Variants in KLF7 observed in about 807,000 individuals in gnomAD.
KLF7 encodes KLF transcription factor 7.
A neutral mutation model predicts 27.3 loss-of-function variants in KLF7; 2 were observed. That is an observed-to-expected ratio of 0.07 (90% CI 0.03 to 0.23). The LOEUF is 0.23. KLF7 is among the 10% of genes least tolerant of loss of function. The probability of loss-of-function intolerance (pLI) is 1.00; values close to 1 mark genes in which losing one functional copy is unlikely to be tolerated. For synonymous variants in KLF7, 165 were observed against 162.4 expected (o/e 1.02, Z -0.12); for missense variants, 221 against 394.1 (o/e 0.56, Z 3.72).
upstream of KLF7, chr2:207,166,923 C>T (rs1245474912): frequency 3.1e-6 from 3 of 981,658 alleles, no homozygotes; most frequent in African/African-American, 3.5e-5. Context: ...CGCACAGTCC[C>T]CGCCCCGCCC....
At chr2:207,090,269 A>G (rs1032323756) in intron 2 of KLF7, among the ~76,000 whole-genome samples, 11 of 152,220 alleles carry the variant, frequency 7.2e-5, no homozygotes, top group Non-Finnish European at 1.5e-4. Context: ...GAGCAGTGTT[A>G]AAAGTTCACC....
At chr2:207,122,266 G>A (rs766341003) in intron 2 of KLF7, among the ~76,000 whole-genome samples, 2 of 152,062 alleles carry the variant, frequency 1.3e-5, no homozygotes, top group South Asian at 2.1e-4. Flanking sequence ...CCTGAGCCAC[G>A]GGATATAAAC....
In KLF7 at chr2:207,094,302, G is replaced by A. The variant is rs187357726; in HGVS notation, c.734-5721C>T. ...TTAATGCAAGTTCTAAAGAGATTAG[G>A]ATTTTGACCTGCCTAGATTTCTGTT... On this transcript the variant is annotated intron_variant, in intron 2 of 3. Transcript: ENST00000309446. 1.4e-4 allele frequency among the ~76,000 whole-genome samples: 22 copies of A among 152,170 alleles called. No homozygotes were observed. The East Asian group carries it at 3.5e-3, about 24-fold the overall frequency.
At chr2:207,140,678 A>C (rs1454237157) in intron 1 of KLF7, among the ~76,000 whole-genome samples, 4 of 152,186 alleles carry the variant, frequency 2.6e-5, no homozygotes, top group Non-Finnish European at 5.9e-5. Context: ...CACAATTTAC[A>C]CTTGGCCCTG....
Position 207,114,525 on chromosome 2 carries a change from C to A in KLF7, c.733+9249G>T, listed in dbSNP as rs554388090. Among the ~76,000 whole-genome samples, 7 of 152,294 alleles carry A rather than the reference C, an allele frequency of 4.6e-5. No individual in the cohort carries two copies. In the South Asian group the frequency reaches 1.5e-3, roughly 32 times the overall value. On this transcript the variant is annotated intron_variant, in intron 2 of 3. Transcript: ENST00000309446. Reference sequence around the variant, plus strand: ...TATTCTAAAATATTTCCTACCATATCTTGGTGCTCTTCTACACTCAAATAT... The same window carrying A: ...TATTCTAAAATATTTCCTACCATATATTGGTGCTCTTCTACACTCAAATAT...
intron 3 of KLF7, 43 bp downstream of exon 3, chr2:207,088,415 C>T: frequency 6.3e-7 from 1 of 1,595,304 alleles, no homozygotes; most frequent in Non-Finnish European, 8.6e-7. Flanking sequence ...AACCCACTTC[C>T]CCATCTCTCC....
At position 207,124,097 on chromosome 2, in the gene KLF7, G is replaced by A. The variant is rs1276619385; in HGVS notation, c.410C>T (p.Thr137Met). Residue 137 changes from threonine to methionine, a missense_variant, in exon 2 of 4, where the codon ACG (threonine) becomes ATG (methionine). By Grantham distance (81) the Thr-to-Met change is moderately conservative. This residue lies in a region of KLF7 where 180 missense variants were observed against 227.9 expected (regional missense o/e 0.79). Transcript: ENST00000309446. ...QAQLNAVTSL[T>M]PPSSPELSRH... ...GCTGAGCTCAGGGGACGATGGGGGC[G>A]TTAATGAGGTCACTGCGTTGAGCTG... is the stretch of plus-strand genomic sequence containing the variant. 1.9e-6 allele frequency: 3 copies of A among 1,614,186 alleles called. No individual in the cohort carries two copies. The highest frequency in any genetic ancestry group is 1.7e-5 in the Admixed American group (1 of 60,026).
intron 2 of KLF7, 71 bp from the exon 3 acceptor site, chr2:207,088,652 T>C: frequency 6.5e-7 from 1 of 1,535,410 alleles, no homozygotes; most frequent in Non-Finnish European, 8.8e-7. Context: ...CAGCCTGTGC[T>C]GCCTGCTGGT....
In KLF7 at chr2:207,092,808, C is replaced by T. The variant is rs1337481547; in HGVS notation, c.734-4227G>A. Among the ~76,000 whole-genome samples the T allele has an allele frequency of 5.3e-5, 8 of 152,268 alleles. 1 individual carries two copies. The South Asian group carries it at 8.3e-4, about 16-fold the overall frequency. On this transcript the variant is annotated intron_variant, in intron 2 of 3. Coordinates refer to ENST00000309446, the MANE Select transcript of KLF7 (RefSeq NM_003709.4). ...CTTATTCATGAACCATACAGATGTACTAATGTTCTATTAGGATATTATAAA... is the reference window on the plus strand; with the variant it reads ...CTTATTCATGAACCATACAGATGTATTAATGTTCTATTAGGATATTATAAA...
chr2:207,167,196 T>C, upstream of KLF7: 1 of 1,379,932 alleles, frequency 7.2e-7, no homozygotes, highest in East Asian at 3.0e-5. Context: ...AGGAACTCGA[T>C]TTCTCGTTTT....
chr2:207,149,083 C>T (rs2078172705), intron 1 of KLF7: 3 of 1,226,510 alleles, frequency 2.4e-6, no homozygotes, highest in Non-Finnish European at 3.1e-6. Context: ...CAGTTTCCAT[C>T]AGCTCTTAGG....
At chr2:207,157,351 A>G (rs2078416884) in intron 1 of KLF7, among the ~76,000 whole-genome samples, 1 of 151,836 alleles carries the variant, frequency 6.6e-6, no homozygotes, top group Non-Finnish European at 1.5e-5. Flanking sequence ...CAAGGGAGGG[A>G]GTTTGGCACC....
intron 1 of KLF7, among the ~76,000 whole-genome samples, chr2:207,150,540 T>C (rs901522283): frequency 6.6e-6 from 1 of 152,240 alleles, no homozygotes; most frequent in Non-Finnish European, 1.5e-5. Flanking sequence ...CCGTACAGCA[T>C]GTAACAGTTT....
chr2:207,149,034 G>A, intron 1 of KLF7: 2 of 1,174,778 alleles, frequency 1.7e-6, no homozygotes, highest in Middle Eastern at 2.4e-4. Context: ...ACAAAGGAAT[G>A]TCTCCTTACA....
At chr2:207,135,980 C>G (rs1009304352) in intron 1 of KLF7, among the ~76,000 whole-genome samples, 1 of 152,184 alleles carries the variant, frequency 6.6e-6, no homozygotes, top group Non-Finnish European at 1.5e-5. Flanking sequence ...GCCACTTCCT[C>G]TTTTCTCCTC....
chr2:207,087,378 C>T lies in KLF7; in HGVS notation c.857+1080G>A, dbSNP rs142416886. Among the ~76,000 whole-genome samples the T allele has an allele frequency of 1.7e-3, 265 of 152,242 alleles. 1 individual carries two copies. Among genetic ancestry groups the T allele is most frequent in the African/African-American group, 2.0e-3 (84 of 41,542 alleles). On this transcript the variant is annotated intron_variant, in intron 3 of 3. Transcript: ENST00000309446. ...GCATCCTAAGGGAGCACTAAGCCAA[C>T]GTGACCAGTCTGGACACCCCTTCCC...
chr2:207,083,613 G>A (rs1487427392), intron 3 of KLF7, among the ~76,000 whole-genome samples: 1 of 152,142 alleles, frequency 6.6e-6, no homozygotes, highest in African/African-American at 2.4e-5. Context: ...CTTCTGGTAG[G>A]CAGAATAATG....
chr2:207,116,163 A>G (rs1037889087), intron 2 of KLF7, among the ~76,000 whole-genome samples: 2 of 152,220 alleles, frequency 1.3e-5, no homozygotes, highest in Non-Finnish European at 2.9e-5. Flanking sequence ...GCTTAGTGTC[A>G]TCTGACACAT....
chr2:207,093,340 C>G (rs1220840358), intron 2 of KLF7, among the ~76,000 whole-genome samples: 1 of 152,224 alleles, frequency 6.6e-6, no homozygotes, highest in Non-Finnish European at 1.5e-5. Context: ...TGATCTGGCT[C>G]CTGGCTACCT....
Sources: allele counts gnomAD v4.1 joint callset (sites outside exome capture counted in the v4.1 genomes callset), GRCh38; gene constraint gnomAD v4.1.1; regional missense constraint gnomAD v4.1.1; transcripts MANE v1.5; gene names NCBI Gene and HGNC (gene_info 2026-07-23, HGNC 2026-07-21).